SCLT1: variants seen among roughly 807,000 people sequenced by gnomAD.
SCLT1 encodes the protein sodium channel-associated protein 1.
In SCLT1, 78 loss-of-function variants were observed where a neutral mutation model predicts 112.8. The observed-to-expected ratio is 0.69, with a 90% CI of 0.58 to 0.83. SCLT1 has a LOEUF of 0.83. Among genes scored for constraint, SCLT1 ranks in the 40% least tolerant of loss-of-function variants. SCLT1 has a pLI of 0.00. For synonymous variants in SCLT1, 257 were observed against 254.7 expected (o/e 1.01, Z -0.09); for missense variants, 747 against 770.4 (o/e 0.97, Z 0.36).
chr4:128,930,716 G>T (rs897845393), intron 18 of SCLT1, among the ~76,000 whole-genome samples: 4 of 152,102 alleles, frequency 2.6e-5, no homozygotes, highest in Non-Finnish European at 5.9e-5. Context: ...GGTTAAAGAA[G>T]AAATCAATTT....
chr4:129,093,096 G>A lies in SCLT1; in HGVS notation c.8C>T (p.Ala3Val), dbSNP rs1294881791. 1.2e-6 allele frequency: 2 copies of A among 1,613,140 alleles called. No homozygotes were observed. Among genetic ancestry groups the A allele is most frequent in the Non-Finnish European group, 1.7e-6 (2 of 1,179,170 alleles). Residue 3 changes from alanine (A) to valine (V), a missense_variant, in exon 1 of 21, where the codon GCA becomes GTA. By Grantham distance (64) the Ala-to-Val change is moderately conservative. This residue lies in a region of SCLT1 where 723 missense variants were observed against 721.3 expected (regional missense o/e 1.00). Coordinates refer to ENST00000281142, the MANE Select transcript of SCLT1 (RefSeq NM_144643.4). Reference protein sequence around the residue: MAAEIDFLREQNR... With the variant: MAVEIDFLREQNR... ...TTGCTCTCTCAGAAAGTCGATTTCT[G>A]CAGCCATTTCGATACAATTTTAGTT...
chr4:129,023,711 T>A (rs1415634575), intron 5 of SCLT1, among the ~76,000 whole-genome samples: 3 of 152,156 alleles, frequency 2.0e-5, no homozygotes, highest in Non-Finnish European at 4.4e-5. Context: ...CAGTGCACTG[T>A]GTGCGAGCTG....
At chr4:128,973,983 C>T (rs1025981918) in intron 9 of SCLT1, among the ~76,000 whole-genome samples, 4 of 151,890 alleles carry the variant, frequency 2.6e-5, no homozygotes, top group Non-Finnish European at 5.9e-5. Context: ...CTGACTCTAC[C>T]AACACAAAAG....
chr4:128,938,595 A>G (rs982804587), intron 17 of SCLT1, among the ~76,000 whole-genome samples: 2 of 152,028 alleles, frequency 1.3e-5, no homozygotes, highest in South Asian at 2.1e-4. Context: ...CTTAATCTTC[A>G]TCTCCTCTGG....
chr4:128,895,763 G>C (rs996327757), intron 18 of SCLT1, among the ~76,000 whole-genome samples: 2 of 152,212 alleles, frequency 1.3e-5, no homozygotes, highest in East Asian at 3.9e-4. Flanking sequence ...GAAGTGCAAG[G>C]GGTCAGGGAA....
chr4:129,024,112 G>C (rs1018989137), intron 5 of SCLT1, among the ~76,000 whole-genome samples: 35 of 152,310 alleles, frequency 2.3e-4, no homozygotes, highest in African/African-American at 7.0e-4. Context: ...CTGGGGGCAG[G>C]GCACAGACAA....
In SCLT1 at chr4:129,039,089, A is replaced by G. The variant is rs1262603971; in HGVS notation, c.242T>C (p.Val81Ala). 1 of 1,598,518 alleles carries G rather than the reference A, an allele frequency of 6.3e-7. No homozygotes were observed. Among genetic ancestry groups the G allele is most frequent in the South Asian group, 1.1e-5 (1 of 90,554 alleles). ...NGQLKYYQKQ[V>A]GEMKLQLENV... ...TTCAAGTTGTAATTTCATCTCACCC[A>G]CCTGTTTCTGAAAGAATAAAATATG... The change falls in exon 5 of 21, where the codon GTG becomes GCG. Residue 81 changes from valine to alanine, a missense_variant. Val to Ala is a moderately conservative substitution (Grantham distance 64, BLOSUM62 0). Transcript: ENST00000281142.
intron 16 of SCLT1, among the ~76,000 whole-genome samples, chr4:128,945,213 C>T (rs1165301217): frequency 6.6e-6 from 1 of 152,088 alleles, no homozygotes; most frequent in South Asian, 2.1e-4. Context: ...TTCAATACTC[C>T]TCCCTTAAGA....
chr4:129,079,679 T>C (rs909854320), intron 2 of SCLT1, among the ~76,000 whole-genome samples: 1 of 152,208 alleles, frequency 6.6e-6, no homozygotes, highest in African/African-American at 2.4e-5. Flanking sequence ...CCTACAATTC[T>C]TTGGTCCGGA....
intron 5 of SCLT1, among the ~76,000 whole-genome samples, chr4:129,009,586 G>T (rs564235502): frequency 6.6e-6 from 1 of 150,954 alleles, no homozygotes; most frequent in Non-Finnish European, 1.5e-5. Context: ...GTTTCTACCA[G>T]CAGTGTAAAA....
chr4:128,925,543 C>T (rs1397920697), intron 18 of SCLT1, among the ~76,000 whole-genome samples: 2 of 151,994 alleles, frequency 1.3e-5, no homozygotes, highest in African/African-American at 2.4e-5. Context: ...AGGCTGGTCT[C>T]GAACTCCTGA....
At position 128,960,921 on chromosome 4, in the gene SCLT1, C is replaced by T. The variant is rs1188960877; in HGVS notation, c.870-1144G>A. Among the ~76,000 whole-genome samples the T allele has an allele frequency of 7.6e-5, 5 of 65,412 alleles. No homozygotes were observed. The East Asian group carries it at 1.3e-3, about 17-fold the overall frequency. The allele number at this position is 65,412 out of a possible 152,430, so 42.9% of individuals were successfully genotyped here. ...CGGCCTGGGCGACAGAGCGAGACTC[C>T]GTCTCAAAAAAAAAAAAAAAAAAAA... is the stretch of plus-strand genomic sequence containing the variant. On this transcript the variant is annotated intron_variant, in intron 11 of 20. Transcript: ENST00000281142.
chr4:129,001,214 AC>A (rs1743453114), intron 6 of SCLT1, among the ~76,000 whole-genome samples: 1 of 151,746 alleles, frequency 6.6e-6, no homozygotes, highest in African/African-American at 2.4e-5. Context: ...TAGTTACACA[AC>A]CCAGATTCTC....
chr4:128,976,210 A>T (rs560332376), intron 9 of SCLT1, among the ~76,000 whole-genome samples: 2 of 152,316 alleles, frequency 1.3e-5, no homozygotes, highest in Non-Finnish European at 2.9e-5. Context: ...GATAGGCTCA[A>T]TCTGAGACTT....
chr4:129,059,509 T>G (rs1205711284), intron 2 of SCLT1, among the ~76,000 whole-genome samples: 2 of 152,220 alleles, frequency 1.3e-5, no homozygotes, highest in African/African-American at 4.8e-5. Flanking sequence ...TGCTTTCAAA[T>G]ATAGGACTCT....
chr4:129,027,658 T>C (rs1424137245), intron 5 of SCLT1, among the ~76,000 whole-genome samples: 1 of 152,102 alleles, frequency 6.6e-6, no homozygotes, highest in Non-Finnish European at 1.5e-5. Context: ...TTCAACATAG[T>C]GTTGGAAGTT....
intron 9 of SCLT1, among the ~76,000 whole-genome samples, chr4:128,991,524 A>T (rs1449652850): frequency 6.6e-6 from 1 of 151,842 alleles, no homozygotes; most frequent in African/African-American, 2.4e-5. Context: ...AACAATAAGT[A>T]AATAAAAAAA....
chr4:128,996,244 T>C (rs901721233), intron 8 of SCLT1, among the ~76,000 whole-genome samples: 3 of 152,102 alleles, frequency 2.0e-5, no homozygotes, highest in Non-Finnish European at 4.4e-5. Flanking sequence ...TTCTGATTTA[T>C]TGCAAAGGAA....
intron 13 of SCLT1, among the ~76,000 whole-genome samples, chr4:128,955,125 GTCATATGGAATT>G (rs1258706167): frequency 6.6e-6 from 1 of 152,170 alleles, no homozygotes; most frequent in Non-Finnish European, 1.5e-5. Context: ...AGCTCCAAAG[GTCATATGGAATT>G]TCCTAGAGTT....
Sources: gnomAD v4.1 joint callset for allele counts (sites outside exome capture counted in the v4.1 genomes callset) on GRCh38, gnomAD v4.1.1 for gene constraint, gnomAD v4.1.1 regional missense constraint, MANE v1.5 for transcripts, NCBI Gene and HGNC (gene_info 2026-07-23, HGNC 2026-07-21) for gene names.